AKT2: variants seen among roughly 807,000 people sequenced by gnomAD.
The protein encoded by AKT2 is AKT serine/threonine kinase 2, also known as RAC-beta serine/threonine-protein kinase.
A neutral mutation model predicts 58.6 loss-of-function variants in AKT2; 16 were observed. The ratio of observed to expected loss-of-function variants is 0.27; its 90% confidence interval spans 0.18 to 0.41. The LOEUF (loss-of-function observed/expected upper bound fraction) is 0.41, where lower values mean the gene tolerates loss of function less well. Among genes scored for constraint, AKT2 ranks in the 10% least tolerant of loss-of-function variants. AKT2 has a pLI of 1.00. For missense variants in AKT2, 438 were observed against 661.0 expected (o/e 0.66, Z 3.70); for synonymous variants, 253 against 254.0 (o/e 1.00, Z 0.04).
At chr19:40,277,093 A>ATGGC (rs1410522862) in intron 1 of AKT2, among the ~76,000 whole-genome samples, 1 of 152,130 alleles carries the variant, frequency 6.6e-6, no homozygotes, top group Non-Finnish European at 1.5e-5. Flanking sequence ...ACCCAATGAG[A>ATGGC]TGGCTTCACA....
At chr19:40,251,801 T>C (rs973583016) in intron 4 of AKT2, among the ~76,000 whole-genome samples, 1 of 152,228 alleles carries the variant, frequency 6.6e-6, no homozygotes, top group Non-Finnish European at 1.5e-5. Context: ...CATGATTCTG[T>C]AGGAGAAAGT....
intron 1 of AKT2, among the ~76,000 whole-genome samples, chr19:40,271,213 A>C (rs577466029): frequency 1.3e-5 from 1 of 75,162 alleles, no homozygotes; most frequent in Non-Finnish European, 2.5e-5. Context: ...ACATACATAC[A>C]TATATATATA....
rs1973903712 is a variant in AKT2, at chr19:40,234,727, G to A, written c.1366+318C>T. 1 of 602,504 alleles carries A rather than the reference G, an allele frequency of 1.7e-6. No individual in the cohort carries two copies. The highest frequency in any genetic ancestry group is 2.9e-6 in the Non-Finnish European group (1 of 339,020). The allele number at this position is 602,504 out of a possible 1,614,324, so 37.3% of individuals were successfully genotyped here. ...CAATCAGTGCTGTGTCCCCAGCATA[G>A]CCCAGCCCTGGGCTGAGTTCAGAGT... On this transcript the variant is annotated intron_variant, in intron 13 of 13. Transcript: ENST00000392038. The surrounding 1 kb of genome is among the most constrained non-coding windows in gnomAD (Gnocchi z 4.7).
Position 40,235,383 on chromosome 19 carries a change from C to T in AKT2, c.1176-33G>A, listed in dbSNP as rs777922498. On this transcript the variant is annotated intron_variant, in intron 11 of 13. Coordinates refer to ENST00000392038, the MANE Select transcript of AKT2 (RefSeq NM_001626.6). The surrounding 1 kb of genome is among the most constrained non-coding windows in gnomAD (Gnocchi z 6.3). ...GAGACGGCCGTCAGCACCTGCCTCC[C>T]GGAGCAGCTGGGTTCGGGCAGACGG... 2.4e-5 allele frequency: 39 copies of T among 1,610,194 alleles called. No homozygotes were observed. The highest frequency in any genetic ancestry group is 3.3e-5 in the Admixed American group (2 of 60,010).
chr19:40,270,765 C>G (rs570679402), intron 1 of AKT2: 1 of 152,378 alleles, frequency 6.6e-6, no homozygotes, highest in African/African-American at 2.4e-5. Context: ...GTAATCCCAG[C>G]ACTTTGGAAG....
chr19:40,280,450 G>A (rs1359199381), intron 1 of AKT2, among the ~76,000 whole-genome samples: 5 of 152,126 alleles, frequency 3.3e-5, no homozygotes, highest in Admixed American at 6.6e-5. Context: ...GCCCTGCTCC[G>A]CTCAGTCAAA....
chr19:40,266,421 G>GC (rs1250085193), intron 1 of AKT2: 1 of 152,342 alleles, frequency 6.6e-6, no homozygotes, highest in Admixed American at 6.5e-5. Context: ...GTGGCAGGCT[G>GC]CCCAGGTCCC....
intron 4 of AKT2, 62 bp downstream of exon 4, chr19:40,255,096 C>T (rs1029895493): frequency 1.5e-6 from 2 of 1,333,216 alleles, no homozygotes; most frequent in Non-Finnish European, 2.2e-6. Flanking sequence ...CCAGCTGTAC[C>T]TTTTCTCCTC....
intron 2 of AKT2, among the ~76,000 whole-genome samples, chr19:40,258,113 G>A (rs751462897): frequency 6.6e-6 from 1 of 151,906 alleles, no homozygotes; most frequent in Non-Finnish European, 1.5e-5. Context: ...AGGCATGGTG[G>A]TGCATGCCTA....
At chr19:40,270,401 C>T (rs1195942013) in intron 1 of AKT2, 1 of 120,278 alleles carries the variant, frequency 8.3e-6, no homozygotes, top group Non-Finnish European at 1.7e-5. Flanking sequence ...TGAACATGTA[C>T]AGAGTGAAGC....
intron 6 of AKT2, among the ~76,000 whole-genome samples, chr19:40,240,612 C>G (rs1343886473): frequency 6.6e-6 from 1 of 152,230 alleles, no homozygotes; most frequent in Non-Finnish European, 1.5e-5. Flanking sequence ...CACTGTCTCA[C>G]AAGCCCTTTG....
At chr19:40,272,203 C>T (rs1211566462) in intron 1 of AKT2, among the ~76,000 whole-genome samples, 1 of 152,238 alleles carries the variant, frequency 6.6e-6, no homozygotes, top group Non-Finnish European at 1.5e-5. Context: ...GTACAGGCGG[C>T]CTGGCTCCCC....
Position 40,242,322 on chromosome 19 carries a change from C to A in AKT2, c.441+212G>T, listed in dbSNP as rs1974462408. The stretch of plus-strand genomic sequence containing the variant: ...GGTCTTCACCAACTCCCAGGACGAA[C>A]CTGCAGTGGGTCCACCCAAGGTTGC... On this transcript the variant is annotated intron_variant, in intron 5 of 13. Coordinates refer to ENST00000392038, the MANE Select transcript of AKT2 (RefSeq NM_001626.6). This position sits in a 1 kb window ranked among gnomAD's most constrained non-coding sequence, Gnocchi z 4.3. The A allele has an allele frequency of 2.2e-6, 2 of 889,774 alleles. No homozygotes were observed. The highest frequency in any genetic ancestry group is 2.5e-5 in the East Asian group (1 of 39,546). The allele number at this position is 889,774 out of a possible 1,614,324, so 55.1% of individuals were successfully genotyped here.
At chr19:40,256,507 G>A (rs1371626652) in intron 3 of AKT2, among the ~76,000 whole-genome samples, 5 of 152,226 alleles carry the variant, frequency 3.3e-5, no homozygotes, top group African/African-American at 1.2e-4. Context: ...GGGTATTACA[G>A]AGGGACAGAG....
chr19:40,244,479 T>C (rs1974621574), intron 4 of AKT2: 1 of 152,066 alleles, frequency 6.6e-6, no homozygotes, highest in South Asian at 2.1e-4. Context: ...TAAGTGAAAA[T>C]GACCAGAGAC....
At chr19:40,236,449 C>A in intron 9 of AKT2, 64 bp from the exon 10 acceptor site, 2 of 1,610,692 alleles carry the variant, frequency 1.2e-6, no homozygotes, top group Non-Finnish European at 1.7e-6. Flanking sequence ...CCCAGCCTTT[C>A]CTTCCAGGGA....
At chr19:40,236,232 T>C in intron 10 of AKT2, 25 bp downstream of exon 10, 2 of 1,613,414 alleles carry the variant, frequency 1.2e-6, no homozygotes, top group Non-Finnish European at 1.7e-6. Flanking sequence ...CCTCACACGT[T>C]CCTACCCCCA....
chr19:40,258,309 A>C (rs1172899825), intron 2 of AKT2, among the ~76,000 whole-genome samples: 1 of 151,612 alleles, frequency 6.6e-6, no homozygotes, highest in Non-Finnish European at 1.5e-5. Context: ...AACTCTGAAC[A>C]TACTAAAACC....
At position 40,242,353 on chromosome 19, in the gene AKT2, C is replaced by A. The variant is rs1330019207; in HGVS notation, c.441+181G>T. On this transcript the variant is annotated intron_variant, in intron 5 of 13. Coordinates refer to ENST00000392038, the MANE Select transcript of AKT2 (RefSeq NM_001626.6). The surrounding 1 kb of genome is among the most constrained non-coding windows in gnomAD (Gnocchi z 4.3). The stretch of plus-strand genomic sequence containing the variant: ...GTGGGTCCACCCAAGGTTGCTCCCT[C>A]CCCTACGGGCATGGAGCACACCCTA... The A allele has an allele frequency of 1.9e-6, 2 of 1,039,594 alleles. No individual in the cohort carries two copies. The highest frequency in any genetic ancestry group is 2.9e-6 in the Non-Finnish European group (2 of 689,622). 64.4% of individuals were successfully genotyped at this position (1,039,594 alleles called of 1,614,324 possible).
Sources: allele counts gnomAD v4.1 joint callset (sites outside exome capture counted in the v4.1 genomes callset), GRCh38; gene constraint gnomAD v4.1.1; non-coding constraint Gnocchi (gnomAD v3.1); transcripts MANE v1.5; gene names NCBI Gene and HGNC (gene_info 2026-07-23, HGNC 2026-07-21).